Variants in GNAI3 observed in about 807,000 individuals in gnomAD.
GNAI3 encodes G protein subunit alpha i3.
Under a neutral mutation model 41.8 loss-of-function variants are expected in GNAI3, and 12 were observed. The ratio of observed to expected loss-of-function variants is 0.29; its 90% CI spans 0.18 to 0.47. GNAI3 has a LOEUF of 0.47. Among genes scored for constraint, GNAI3 ranks in the 20% least tolerant of loss-of-function variants. The pLI, the probability that GNAI3 is intolerant of heterozygous loss-of-function variation, is 1.00. For synonymous variants in GNAI3, 132 were observed against 146.5 expected (o/e 0.90, Z 0.71); for missense variants, 360 against 429.6 (o/e 0.84, Z 1.43).
chr1:109,573,904 A>G lies in GNAI3; in HGVS notation c.170A>G (p.His57Arg), dbSNP rs768305730. 2 of 1,611,296 alleles carry G rather than the reference A, an allele frequency of 1.2e-6. No individual in the cohort carries two copies. Among genetic ancestry groups the G allele is most frequent in the Non-Finnish European group, 1.7e-6 (2 of 1,177,962 alleles). Residue 57 changes from histidine to arginine, a missense_variant, in exon 3 of 9, where the codon CAT becomes CGT. Transcript: ENST00000369851. ...TTTTCTTTGTTTTAAAGAATCATTC[A>G]TGAGGATGGCTATTCAGAGGATGAA... ...STIVKQMKII[H>R]EDGYSEDECK...
At chr1:109,588,953 A>C (rs928965274) in intron 7 of GNAI3, among the ~76,000 whole-genome samples, 3 of 152,214 alleles carry the variant, frequency 2.0e-5, no homozygotes, top group Non-Finnish European at 4.4e-5. Flanking sequence ...GGAAGTGGGA[A>C]GAGTCAGAGG....
chr1:109,556,413 G>C (rs1026352867), intron 1 of GNAI3, among the ~76,000 whole-genome samples: 22 of 152,170 alleles, frequency 1.4e-4, no homozygotes, highest in African/African-American at 5.3e-4. Flanking sequence ...AGGAAAATCA[G>C]TAGCTGTGCA....
At chr1:109,570,400 G>C (rs935979834) in intron 1 of GNAI3, among the ~76,000 whole-genome samples, 7 of 152,200 alleles carry the variant, frequency 4.6e-5, no homozygotes, top group Non-Finnish European at 1.0e-4. Flanking sequence ...GTCATGACCA[G>C]TTTAAGGCCC....
At position 109,598,288 on chromosome 1, in the gene GNAI3, C is replaced by T. The variant is rs1445557328; in HGVS notation, c.*5966C>T. 2.0e-5 allele frequency: 3 copies of T among 152,284 alleles called. No individual in the cohort carries two copies. The highest frequency in any genetic ancestry group is 4.4e-5 in the Non-Finnish European group (3 of 68,100). 9.4% of individuals were successfully genotyped at this position (152,284 alleles called of 1,614,324 possible). On this transcript the variant is annotated 3_prime_UTR_variant, in exon 9 of 9. Coordinates refer to ENST00000369851, the MANE Select transcript of GNAI3 (RefSeq NM_006496.4). ...ATGTAGGATAAAGGTCCTGAGACCT[C>T]TCAGAATCTTACGAGGTTGGAGAGT...
At chr1:109,575,091 TAAG>T (rs1000315392) in intron 3 of GNAI3, among the ~76,000 whole-genome samples, 2 of 152,202 alleles carry the variant, frequency 1.3e-5, no homozygotes, top group Non-Finnish European at 2.9e-5. Context: ...TATCAAAAAA[TAAG>T]AAAATATGTG....
intron 1 of GNAI3, among the ~76,000 whole-genome samples, chr1:109,562,865 A>C (rs1053120516): frequency 6.6e-6 from 1 of 152,206 alleles, no homozygotes; most frequent in Non-Finnish European, 1.5e-5. Context: ...TTAGCATTGC[A>C]ATTAACTTTG....
At position 109,592,189 on chromosome 1, in the gene GNAI3, G is replaced by C; in HGVS notation, c.1021G>C (p.Asp341His). The change falls in exon 8 of 9, where the codon GAT (aspartate) becomes CAT (histidine). Residue 341 changes from aspartate (D) to histidine (H), a missense_variant. By Grantham distance (81) the Asp-to-His change is moderately conservative (BLOSUM62 -1). Transcript: ENST00000369851. ...GCAGTTTGTTTTTGATGCTGTTACAGATGTCATCATTAAAAACAACTTAAA... is the reference window on the plus strand; with the variant it reads ...GCAGTTTGTTTTTGATGCTGTTACACATGTCATCATTAAAAACAACTTAAA... ...NVQFVFDAVTDVIIKNNLKEC... is the reference protein window; with the variant it reads ...NVQFVFDAVTHVIIKNNLKEC... The C allele has an allele frequency of 6.2e-7, 1 of 1,613,428 alleles. No individual in the cohort carries two copies. The highest frequency in any genetic ancestry group is 8.5e-7 in the Non-Finnish European group (1 of 1,179,372).
chr1:109,579,609 T>C (rs776328797), intron 4 of GNAI3, among the ~76,000 whole-genome samples: 1 of 152,178 alleles, frequency 6.6e-6, no homozygotes, highest in Admixed American at 6.5e-5. Context: ...GGCATTTTAT[T>C]ATAAGCAAGT....
intron 1 of GNAI3, among the ~76,000 whole-genome samples, chr1:109,557,496 A>T (rs1487112312): frequency 6.6e-6 from 1 of 152,158 alleles, no homozygotes; most frequent in African/African-American, 2.4e-5. Context: ...CAAGTAAAAG[A>T]GAGGTATATT....
In GNAI3 at chr1:109,574,040, A is replaced by G. The variant is rs1248399705; in HGVS notation, c.303+3A>G. Reference sequence around the variant, plus strand: ...ACTTTGGGGAAGCTGCCAGGGCAGTAAGTGTTTCTCATTTCCTCTTCACTT... The same window carrying G: ...ACTTTGGGGAAGCTGCCAGGGCAGTGAGTGTTTCTCATTTCCTCTTCACTT... On this transcript the variant is annotated splice_donor_region_variant and intron_variant, in intron 3 of 8. Transcript: ENST00000369851. 2 of 1,601,616 alleles carry G rather than the reference A, an allele frequency of 1.2e-6. No homozygotes were observed. The highest frequency in any genetic ancestry group is 1.7e-6 in the Non-Finnish European group (2 of 1,175,536).
At chr1:109,557,307 T>C (rs951315374) in intron 1 of GNAI3, among the ~76,000 whole-genome samples, 1 of 152,210 alleles carries the variant, frequency 6.6e-6, no homozygotes, top group East Asian at 1.9e-4. Flanking sequence ...CATAGTACTT[T>C]TTATGCCACT....
intron 1 of GNAI3, among the ~76,000 whole-genome samples, chr1:109,566,033 A>G (rs761879694): frequency 2.6e-5 from 4 of 152,226 alleles, no homozygotes; most frequent in Non-Finnish European, 5.9e-5. Flanking sequence ...GGCTAGAGAT[A>G]AAATGAAGTG....
chr1:109,563,007 T>C (rs925112777), intron 1 of GNAI3, among the ~76,000 whole-genome samples: 2 of 152,220 alleles, frequency 1.3e-5, no homozygotes, highest in African/African-American at 2.4e-5. Context: ...TTCAGTCATG[T>C]CATATATAAA....
intron 1 of GNAI3, among the ~76,000 whole-genome samples, chr1:109,552,495 A>C (rs544301297): frequency 1.7e-3 from 263 of 152,254 alleles, no homozygotes; most frequent in African/African-American, 6.0e-3. Context: ...GCTGGTCTCA[A>C]ATGCTTGGCC....
chr1:109,575,617 T>C (rs1417486856), intron 3 of GNAI3, among the ~76,000 whole-genome samples: 4 of 137,370 alleles, frequency 2.9e-5, no homozygotes, highest in Non-Finnish European at 6.1e-5. Context: ...CTGCAGCCTC[T>C]GCCTCCCAGG....
chr1:109,577,964 A>G (rs777027389), intron 3 of GNAI3, among the ~76,000 whole-genome samples: 1 of 152,186 alleles, frequency 6.6e-6, no homozygotes, highest in Non-Finnish European at 1.5e-5. Context: ...CACGTTATAT[A>G]CTTTTTAAAT....
intron 7 of GNAI3, among the ~76,000 whole-genome samples, chr1:109,589,624 C>G (rs1410840045): frequency 6.6e-6 from 1 of 152,072 alleles, no homozygotes. Flanking sequence ...AATGGATAAA[C>G]AAATTGTGTT....
intron 3 of GNAI3, among the ~76,000 whole-genome samples, chr1:109,577,380 A>C (rs1648778895): frequency 6.6e-6 from 1 of 150,884 alleles, no homozygotes; most frequent in Non-Finnish European, 1.5e-5. Context: ...GGGTTCAAGC[A>C]ATTCTCCTGC....
intron 1 of GNAI3, among the ~76,000 whole-genome samples, chr1:109,557,322 G>A (rs1398307686): frequency 6.6e-6 from 1 of 152,118 alleles, no homozygotes; most frequent in Non-Finnish European, 1.5e-5. Flanking sequence ...GCCACTTATA[G>A]TCTGCCTTAT....
Sources: gnomAD v4.1 joint callset for allele counts (sites outside exome capture counted in the v4.1 genomes callset) on GRCh38, gnomAD v4.1.1 for gene constraint, MANE v1.5 for transcripts, NCBI Gene and HGNC (gene_info 2026-07-23, HGNC 2026-07-21) for gene names.